The following COL25A1 variants were observed in gnomAD, a reference collection of about 807,000 sequenced individuals.
The protein encoded by COL25A1 is collagen type XXV alpha 1 chain, also known as collagen alpha-1(XXV) chain.
COL25A1 carries 103 observed loss-of-function variants against 128.4 expected under a neutral mutation model. The ratio of observed to expected loss-of-function variants is 0.80; its 90% CI spans 0.68 to 0.94. The LOEUF is 0.94. COL25A1 is among the 40% of genes least tolerant of loss of function. The pLI, the probability that COL25A1 is intolerant of heterozygous loss-of-function variation, is 0.00. For missense variants in COL25A1, 745 were observed against 840.0 expected (o/e 0.89, Z 1.40); for synonymous variants, 279 against 277.2 (o/e 1.01, Z -0.06).
intron 13 of COL25A1, among the ~76,000 whole-genome samples, chr4:108,903,617 G>C (rs1042984188): frequency 6.6e-6 from 1 of 151,834 alleles, no homozygotes; most frequent in African/African-American, 2.4e-5. Flanking sequence ...ATCTAAACTT[G>C]TTTTATTAGT....
At chr4:109,272,235 AAAAT>A (rs1285868390) in intron 3 of COL25A1, among the ~76,000 whole-genome samples, 1 of 152,236 alleles carries the variant, frequency 6.6e-6, no homozygotes, top group East Asian at 1.9e-4. Flanking sequence ...CCCTGTCTCA[AAAAT>A]AAATAAAATA....
At chr4:109,256,020 C>A (rs967478202) in intron 3 of COL25A1, among the ~76,000 whole-genome samples, 4 of 151,676 alleles carry the variant, frequency 2.6e-5, no homozygotes, top group Non-Finnish European at 5.9e-5. Flanking sequence ...TCCACATGTA[C>A]CTGAAACCTT....
chr4:108,913,303 G>C, intron 13 of COL25A1, among the ~76,000 whole-genome samples: 1 of 115,624 alleles, frequency 8.6e-6, no homozygotes. Context: ...TTTTGCTCTT[G>C]TTGCCCAGGC....
chr4:108,819,375 C>T, intron 35 of COL25A1, 46 bp from the exon 36 acceptor site: 3 of 1,484,386 alleles, frequency 2.0e-6, no homozygotes, highest in Non-Finnish European at 2.8e-6. Context: ...CAAGAAATCA[C>T]TTAAGCACAA....
chr4:108,822,250 G>T (rs1731862844), intron 35 of COL25A1, among the ~76,000 whole-genome samples: 1 of 151,622 alleles, frequency 6.6e-6, no homozygotes, highest in Non-Finnish European at 1.5e-5. Context: ...CGTCATGTTG[G>T]CCAGGCTGGT....
At chr4:109,218,357 G>GTTTTTTTTTTGTTTGT (rs1553961829) in intron 3 of COL25A1, among the ~76,000 whole-genome samples, 17 of 73,564 alleles carry the variant, frequency 2.3e-4, no homozygotes, top group Non-Finnish European at 2.6e-4. Flanking sequence ...GTTTTTTGGG[G>GTTTTTTTTTTGTTTGT]TTTTTTTTTT....
intron 3 of COL25A1, among the ~76,000 whole-genome samples, chr4:109,221,467 G>A (rs761481050): frequency 4.6e-5 from 7 of 152,222 alleles, no homozygotes; most frequent in Non-Finnish European, 1.0e-4. Context: ...GTTTCCAAGC[G>A]TATGCAGAAA....
In COL25A1 at chr4:108,970,485, T is replaced by G. The variant is rs546663117; in HGVS notation, c.492+3882A>C. 9.2e-5 allele frequency among the ~76,000 whole-genome samples: 14 copies of G among 152,354 alleles called. No homozygotes were observed. The South Asian group carries it at 2.5e-3, about 27-fold the overall frequency. On this transcript the variant is annotated intron_variant, in intron 8 of 37. Coordinates refer to ENST00000399132, the MANE Select transcript of COL25A1 (RefSeq NM_198721.4). ...TATATATACTGTTACATATGTTGTT[T>G]TGAAATATGTATACATCATGCGATG...
intron 3 of COL25A1, among the ~76,000 whole-genome samples, chr4:109,285,425 A>G (rs1723779484): frequency 2.6e-5 from 4 of 152,252 alleles, no homozygotes; most frequent in African/African-American, 9.6e-5. Flanking sequence ...CCAGAATGTC[A>G]CCAAGGGAAT....
At chr4:108,965,449 T>A (rs1239695414) in intron 8 of COL25A1, among the ~76,000 whole-genome samples, 1 of 152,228 alleles carries the variant, frequency 6.6e-6, no homozygotes, top group Non-Finnish European at 1.5e-5. Flanking sequence ...CGTTTCTTCA[T>A]TTTATTGCCT....
chr4:109,129,026 G>A (rs11931622), intron 3 of COL25A1, among the ~76,000 whole-genome samples: 71,816 of 152,116 alleles, frequency 0.47, 19,721 homozygotes, highest in African/African-American at 0.77. Context: ...GAGCCTGGAT[G>A]TGAGCATTTT....
intron 6 of COL25A1, among the ~76,000 whole-genome samples, chr4:108,984,180 C>G (rs1753384256): frequency 6.6e-6 from 1 of 152,236 alleles, no homozygotes. Flanking sequence ...GGTGCATTCA[C>G]AAACCCTGAC....
chr4:109,144,435 TCTG>T, intron 3 of COL25A1, among the ~76,000 whole-genome samples: 1 of 152,206 alleles, frequency 6.6e-6, no homozygotes. Flanking sequence ...TGCTGGGAGA[TCTG>T]CTGCTCTCTT....
At chr4:109,138,466 T>C (rs367670512) in intron 3 of COL25A1, among the ~76,000 whole-genome samples, 1 of 152,218 alleles carries the variant, frequency 6.6e-6, no homozygotes, top group Non-Finnish European at 1.5e-5. Context: ...TGTGTCTTTA[T>C]AGTAGAATGA....
At chr4:109,198,303 C>T (rs1776284555) in intron 3 of COL25A1, among the ~76,000 whole-genome samples, 1 of 144,414 alleles carries the variant, frequency 6.9e-6, no homozygotes, top group South Asian at 2.1e-4. Context: ...TTCACACACA[C>T]ACACACACAC....
At chr4:108,932,012 T>C (rs558259684) in intron 11 of COL25A1, among the ~76,000 whole-genome samples, 1 of 152,348 alleles carries the variant, frequency 6.6e-6, no homozygotes, top group Non-Finnish European at 1.5e-5. Context: ...TCTAGTCTAA[T>C]AACTAACTAC....
intron 3 of COL25A1, among the ~76,000 whole-genome samples, chr4:109,246,855 A>T (rs955327641): frequency 6.6e-6 from 1 of 152,196 alleles, no homozygotes; most frequent in Non-Finnish European, 1.5e-5. Flanking sequence ...CCTATCTTCA[A>T]GCTTACGTGG....
chr4:108,930,480 A>G (rs898777086), intron 11 of COL25A1, among the ~76,000 whole-genome samples: 17 of 152,194 alleles, frequency 1.1e-4, no homozygotes, highest in Non-Finnish European at 2.2e-4. Flanking sequence ...GGTAAACCAT[A>G]CCACTGGTGT....
chr4:109,096,984 A>G (rs1765450555), intron 3 of COL25A1, among the ~76,000 whole-genome samples: 1 of 152,214 alleles, frequency 6.6e-6, no homozygotes, highest in East Asian at 1.9e-4. Flanking sequence ...TGTATAAGGT[A>G]GGAACAAGGA....
Sources: gnomAD v4.1 joint callset for allele counts (sites outside exome capture counted in the v4.1 genomes callset) on GRCh38, gnomAD v4.1.1 for gene constraint, MANE v1.5 for transcripts, NCBI Gene and HGNC (gene_info 2026-07-23, HGNC 2026-07-21) for gene names.